P4HA3: variants seen among roughly 807,000 people sequenced by gnomAD.
The protein encoded by P4HA3 is prolyl 4-hydroxylase subunit alpha-3.
P4HA3 carries 60 observed loss-of-function variants against 66.7 expected under a neutral mutation model. The ratio of observed to expected loss-of-function variants is 0.90; its 90% CI spans 0.73 to 1.12. The LOEUF (loss-of-function observed/expected upper bound fraction) is 1.12, where lower values mean the gene tolerates loss of function less well. P4HA3 is among the 50% of genes most tolerant of loss of function. P4HA3 has a pLI of 0.00. For missense variants in P4HA3, 683 were observed against 685.8 expected (o/e 1.00, Z 0.05); for synonymous variants, 263 against 274.6 (o/e 0.96, Z 0.42).
intron 4 of P4HA3, among the ~76,000 whole-genome samples, chr11:74,290,674 T>A (rs1310279108): frequency 1.5e-4 from 23 of 152,320 alleles, no homozygotes; most frequent in Admixed American, 1.4e-3. Context: ...GCTAGCCAGT[T>A]TTCCCAGCAC....
At chr11:74,251,619 A>G (rs532685612) in intron 15 of P4HA3, 7 of 1,609,476 alleles carry the variant, frequency 4.3e-6, no homozygotes, top group South Asian at 1.1e-5. Context: ...TAACCTTTAT[A>G]TGGCCTGGAA....
At chr11:74,304,152 A>G in intron 2 of P4HA3, 118 bp downstream of exon 2, 1 of 1,288,104 alleles carries the variant, frequency 7.8e-7, no homozygotes, top group Non-Finnish European at 1.1e-6. Context: ...AAGGATATTA[A>G]GTAATACCCA....
intron 7 of P4HA3, among the ~76,000 whole-genome samples, chr11:74,284,706 C>T (rs573461317): frequency 4.6e-5 from 7 of 152,260 alleles, no homozygotes; most frequent in African/African-American, 1.7e-4. Flanking sequence ...ACACTTCCTT[C>T]CCCTAGAAGC....
intron 4 of P4HA3, among the ~76,000 whole-genome samples, chr11:74,293,374 C>T (rs540265338): frequency 4.6e-5 from 7 of 152,284 alleles, no homozygotes; most frequent in African/African-American, 1.7e-4. Context: ...GAATACAGCA[C>T]ACTGATGGGT....
chr11:74,270,433 G>A (rs911243772), intron 10 of P4HA3, among the ~76,000 whole-genome samples: 140 of 152,080 alleles, frequency 9.2e-4, no homozygotes, highest in South Asian at 2.1e-4. Context: ...TTTTTTTCTG[G>A]TTGTCACAGA....
In P4HA3 at chr11:74,276,867, C is replaced by A. The variant is rs916984649; in HGVS notation, c.1335+118G>T. 9.7e-6 allele frequency: 11 copies of A among 1,139,506 alleles called. No individual in the cohort carries two copies. The East Asian group carries it at 1.1e-4, about 11-fold the overall frequency. The allele number at this position is 1,139,506 out of a possible 1,614,324, so 70.6% of individuals were successfully genotyped here. On this transcript the variant is annotated intron_variant, in intron 9 of 12. Transcript: ENST00000331597. ...CTTTCAGATATTTCTGGAAAAAGAACCTTTGTTCTAAGATTTCACTTAGTA... is the reference window on the plus strand; with the variant it reads ...CTTTCAGATATTTCTGGAAAAAGAAACTTTGTTCTAAGATTTCACTTAGTA...
intron 7 of P4HA3, among the ~76,000 whole-genome samples, chr11:74,280,660 G>C (rs1158956668): frequency 6.6e-6 from 1 of 152,140 alleles, no homozygotes; most frequent in Non-Finnish European, 1.5e-5. Context: ...TAGGTGCTTA[G>C]TACTGGTTAA....
intron 9 of P4HA3, 100 bp from the exon 10 acceptor site, chr11:74,273,707 T>A: frequency 1.1e-6 from 1 of 935,570 alleles, no homozygotes; most frequent in Non-Finnish European, 1.5e-6. Flanking sequence ...AATGGGGGCA[T>A]CAAAGATGGG....
chr11:74,309,656 C>T (rs1477637996), intron 1 of P4HA3, among the ~76,000 whole-genome samples: 3 of 152,162 alleles, frequency 2.0e-5, no homozygotes, highest in Non-Finnish European at 2.9e-5. Context: ...ACATTTGGCT[C>T]GGTCAACATG....
At chr11:74,284,583 A>T (rs1860721087) in intron 7 of P4HA3, among the ~76,000 whole-genome samples, 1 of 151,604 alleles carries the variant, frequency 6.6e-6, no homozygotes, top group Admixed American at 6.6e-5. Flanking sequence ...TTATAACTAA[A>T]TTTTTCCTTA....
At chr11:74,304,708 G>T (rs1165170192) in intron 1 of P4HA3, among the ~76,000 whole-genome samples, 1 of 152,112 alleles carries the variant, frequency 6.6e-6, no homozygotes. Flanking sequence ...CTCTCAAAGG[G>T]ATCACAAAGT....
In P4HA3 at chr11:74,311,300, C is replaced by A. The variant is rs1861734982; in HGVS notation, c.200+112G>T. The A allele has an allele frequency of 2.4e-6, 3 of 1,241,160 alleles. No individual in the cohort carries two copies. The Admixed American group carries it at 1.1e-4, about 44-fold the overall frequency. 76.9% of individuals were successfully genotyped at this position (1,241,160 alleles called of 1,614,324 possible). A position where few individuals can be genotyped will look rare whatever the true frequency, so the allele number is the denominator to read the frequency against. On this transcript the variant is annotated intron_variant, in intron 1 of 12. Transcript: ENST00000331597. ...ACGGTGCGACAGTGGGTCTGGGGTCCCACGCAGCATGACAATGAGCCTGGG... is the reference window on the plus strand; with the variant it reads ...ACGGTGCGACAGTGGGTCTGGGGTCACACGCAGCATGACAATGAGCCTGGG...
At chr11:74,304,473 T>C in intron 1 of P4HA3, 61 bp from the exon 2 acceptor site, 2 of 1,577,268 alleles carry the variant, frequency 1.3e-6, no homozygotes, top group Non-Finnish European at 1.7e-6. Context: ...TAGGGAAGGC[T>C]GGCATGGTGT....
At chr11:74,270,648 C>T (rs961532323) in intron 10 of P4HA3, among the ~76,000 whole-genome samples, 1 of 152,096 alleles carries the variant, frequency 6.6e-6, no homozygotes, top group East Asian at 1.9e-4. Context: ...GAGTTACAAT[C>T]GTTATTATTT....
In P4HA3 at chr11:74,303,101, G is replaced by A. The variant is rs186117182; in HGVS notation, c.344-509C>T. 3.2e-3 allele frequency among the ~76,000 whole-genome samples: 480 copies of A among 151,944 alleles called. 3 individuals carry two copies. The Middle Eastern group carries it at 0.034, about 11-fold the overall frequency. ...TGAGTAGGCAGGACTTCAGGCACAC[G>A]CCATCACATCCATCTAATTTAAATA... is the stretch of plus-strand genomic sequence containing the variant. On this transcript the variant is annotated intron_variant, in intron 2 of 12. Coordinates refer to ENST00000331597, the MANE Select transcript of P4HA3 (RefSeq NM_182904.5).
At position 74,311,528 on chromosome 11, in the gene P4HA3, GC is replaced by G. The variant is rs1565426374; in HGVS notation, c.83del (p.Gly28AlafsTer7). 1 of 1,541,086 alleles carries G rather than the reference GC, an allele frequency of 6.5e-7. No individual in the cohort carries two copies. On this transcript the variant is annotated frameshift_variant, in exon 1 of 13. Transcript: ENST00000331597. LOFTEE classifies it high-confidence loss of function. The part of the protein sequence containing the change: ...TGDPERAAAR[G>X]DTFSALTSVA... ...CGCTGGTCAGCGCCGAGAACGTGTC[GC>G]CCCGAGCCGCAGCCCTTTCTGGGTC...
chr11:74,266,930 C>A lies in P4HA3; in HGVS notation c.*318G>T, dbSNP rs866037053. 2 of 1,293,008 alleles carry A rather than the reference C, an allele frequency of 1.5e-6. No homozygotes were observed. The highest frequency in any genetic ancestry group is 1.5e-5 in the African/African-American group (1 of 66,660). The allele number at this position is 1,293,008 out of a possible 1,614,324, so 80.1% of individuals were successfully genotyped here. A position where few individuals can be genotyped will look rare whatever the true frequency, so the allele number is the denominator to read the frequency against. On this transcript the variant is annotated 3_prime_UTR_variant, in exon 13 of 13. Coordinates refer to ENST00000331597, the MANE Select transcript of P4HA3 (RefSeq NM_182904.5). ...TCAAAGTGCCAAAAGACCCACTGAT[C>A]GAACCTGAGACTGTTGAGATGTCCT...
intron 4 of P4HA3, among the ~76,000 whole-genome samples, chr11:74,291,855 T>C (rs551564382): frequency 6.6e-6 from 1 of 152,330 alleles, no homozygotes; most frequent in South Asian, 2.1e-4. Context: ...GCCAGTATTT[T>C]ATTGAGGATT....
At chr11:74,288,395 T>C (rs866059830) in intron 5 of P4HA3, among the ~76,000 whole-genome samples, 5 of 152,210 alleles carry the variant, frequency 3.3e-5, no homozygotes, top group Non-Finnish European at 5.9e-5. Flanking sequence ...GCGTACATAG[T>C]GCACACTGAT....
Sources: allele counts gnomAD v4.1 joint callset (sites outside exome capture counted in the v4.1 genomes callset), GRCh38; gene constraint gnomAD v4.1.1; transcripts MANE v1.5; gene names NCBI Gene and HGNC (gene_info 2026-07-23, HGNC 2026-07-21).